The following NUDT3 variants were observed in gnomAD, a reference collection of about 807,000 sequenced individuals.
The protein encoded by NUDT3 is diphosphoinositol polyphosphate phosphohydrolase 1.
In NUDT3, 9 loss-of-function variants were observed where a neutral mutation model predicts 23.6. That is an observed-to-expected ratio of 0.38 (90% CI 0.23 to 0.66). The LOEUF (loss-of-function observed/expected upper bound fraction) is 0.66. Ranked by LOEUF, NUDT3 falls within the 30% of genes least tolerant of loss-of-function variation. The probability of loss-of-function intolerance (pLI) is 0.52; values close to 1 mark genes in which losing one functional copy is unlikely to be tolerated. For synonymous variants in NUDT3, 86 were observed against 82.6 expected, an observed-to-expected ratio of 1.04 and a Z score of -0.22; for missense variants, 172 against 218.5, an observed-to-expected ratio of 0.79 and a Z score of 1.34.
Position 34,283,219 on chromosome 6 carries a change from T to C in NUDT3, c.*5534A>G, listed in dbSNP as rs912561368. 1 of 150,288 alleles carries C rather than the reference T, an allele frequency of 6.7e-6. No individual in the cohort carries two copies. Among genetic ancestry groups the C allele is most frequent in the African/African-American group, 2.5e-5 (1 of 40,614 alleles). The allele number at this position is 150,288 out of a possible 1,614,324, so 9.3% of individuals were successfully genotyped here. A position where few individuals can be genotyped will look rare whatever the true frequency, so the allele number is the denominator to read the frequency against. ...TCCCTTTTCTTTTTTTTTTTTTTTT[T>C]TTTGAGACGGAGTCTTGCTCTGTCG... is the stretch of plus-strand genomic sequence containing the variant. On this transcript the variant is annotated 3_prime_UTR_variant, in exon 5 of 5. Transcript: ENST00000607016.
intron 2 of NUDT3, among the ~76,000 whole-genome samples, chr6:34,309,181 G>A (rs184599199): frequency 2.6e-3 from 399 of 151,908 alleles, no homozygotes; most frequent in Non-Finnish European, 4.7e-3. Flanking sequence ...AGGAGTTCGG[G>A]ACCAGCCTGG....
intron 1 of NUDT3, 103 bp downstream of exon 1, chr6:34,392,161 G>T: frequency 1.3e-6 from 1 of 783,342 alleles, no homozygotes; most frequent in Non-Finnish European, 2.0e-6. Context: ...CGCCCGAGCG[G>T]GGCGGCCCTG....
At chr6:34,297,760 A>ATATATATATATATTTTTT (rs1763535832) in intron 2 of NUDT3, among the ~76,000 whole-genome samples, 27 of 53,592 alleles carry the variant, frequency 5.0e-4, no homozygotes, top group South Asian at 6.7e-4. Flanking sequence ...TATATATATA[A>ATATATATATATATTTTTT]TTTTTTTTTT....
chr6:34,355,705 G>T (rs1478326742), intron 1 of NUDT3, among the ~76,000 whole-genome samples: 2 of 95,058 alleles, frequency 2.1e-5, no homozygotes, highest in African/African-American at 8.5e-5. Flanking sequence ...GGTGGGGGGT[G>T]GGGGGAGGGT....
At chr6:34,298,199 A>G (rs1763544833) in intron 2 of NUDT3, among the ~76,000 whole-genome samples, 1 of 152,012 alleles carries the variant, frequency 6.6e-6, no homozygotes, top group Admixed American at 6.6e-5. Context: ...CCATCTCTAC[A>G]AAATACAAAA....
chr6:34,353,699 C>A (rs902448567), intron 1 of NUDT3, among the ~76,000 whole-genome samples: 7 of 151,698 alleles, frequency 4.6e-5, no homozygotes, highest in Admixed American at 2.6e-4. Flanking sequence ...CCACACCCAG[C>A]CTTGCTTTTG....
At chr6:34,378,795 GA>G (rs1764967301) in intron 1 of NUDT3, among the ~76,000 whole-genome samples, 1 of 152,214 alleles carries the variant, frequency 6.6e-6, no homozygotes, top group South Asian at 2.1e-4. Flanking sequence ...CTCTCTCCAA[GA>G]AGGGCATTCT....
At chr6:34,294,642 C>G (rs1354321803) in intron 3 of NUDT3, among the ~76,000 whole-genome samples, 3 of 151,756 alleles carry the variant, frequency 2.0e-5, no homozygotes, top group Middle Eastern at 6.8e-3. Flanking sequence ...AGGAGAATCA[C>G]TTGAACCTGG....
At chr6:34,308,171 A>G in intron 2 of NUDT3, among the ~76,000 whole-genome samples, 1 of 100,524 alleles carries the variant, frequency 9.9e-6, no homozygotes. Flanking sequence ...AAAAAAAAAG[A>G]TAGGCCAGGT....
At chr6:34,325,605 A>G (rs952306327) in intron 2 of NUDT3, among the ~76,000 whole-genome samples, 1 of 152,242 alleles carries the variant, frequency 6.6e-6, no homozygotes, top group Non-Finnish European at 1.5e-5. Flanking sequence ...GCTTCCTCAC[A>G]CAAAAATATA....
At chr6:34,297,633 GT>G (rs1763521510) in intron 2 of NUDT3, among the ~76,000 whole-genome samples, 1 of 146,334 alleles carries the variant, frequency 6.8e-6, no homozygotes, top group Non-Finnish European at 1.5e-5. Context: ...CGTCTCCCAG[GT>G]TCAAGCGATT....
intron 3 of NUDT3, among the ~76,000 whole-genome samples, chr6:34,293,888 C>G (rs974932949): frequency 2.0e-5 from 3 of 152,150 alleles, no homozygotes; most frequent in Admixed American, 2.0e-4. Context: ...ACAGAGGTCT[C>G]AAACTTCAGT....
chr6:34,316,709 T>C (rs1763867131), intron 2 of NUDT3, among the ~76,000 whole-genome samples: 1 of 152,090 alleles, frequency 6.6e-6, no homozygotes, highest in Non-Finnish European at 1.5e-5. Context: ...ACAAGGGCAC[T>C]GAGAGGGAAA....
intron 1 of NUDT3, among the ~76,000 whole-genome samples, chr6:34,373,131 T>C (rs978960659): frequency 1.3e-5 from 2 of 151,354 alleles, no homozygotes; most frequent in Non-Finnish European, 2.9e-5. Flanking sequence ...TACAAAAAAT[T>C]AGCCGGGCAT....
chr6:34,387,992 T>G lies in NUDT3; in HGVS notation c.99+4272A>C, dbSNP rs114824783. On this transcript the variant is annotated intron_variant, in intron 1 of 4. Transcript: ENST00000607016. The stretch of plus-strand genomic sequence containing the variant: ...CAACTTCCAGTCATAATAAGTGTCC[T>G]GGTCAGGTGAACCATTTTTTATTTT... Among the ~76,000 whole-genome samples the G allele has an allele frequency of 1.5e-3, 236 of 152,276 alleles. 1 individual carries two copies. The highest frequency in any genetic ancestry group is 5.3e-3 in the African/African-American group (222 of 41,556).
At position 34,350,650 on chromosome 6, in the gene NUDT3, C is replaced by T. The variant is rs976505294; in HGVS notation, c.100-8678G>A. Among the ~76,000 whole-genome samples the T allele has an allele frequency of 3.3e-5, 5 of 150,672 alleles. 1 individual carries two copies. Among genetic ancestry groups the T allele is most frequent in the Non-Finnish European group, 7.4e-5 (5 of 67,810 alleles). ...AGCACAGAAGTTTCAGTTTCTAGAG[C>T]TTTAAAGCCATTCTACTATTTTTAA... On this transcript the variant is annotated intron_variant, in intron 1 of 4. Coordinates refer to ENST00000607016, the MANE Select transcript of NUDT3 (RefSeq NM_006703.4).
intron 3 of NUDT3, 24 bp downstream of exon 3, chr6:34,295,617 T>C (rs1464651368): frequency 6.2e-7 from 1 of 1,613,196 alleles, no homozygotes; most frequent in Non-Finnish European, 8.5e-7. Flanking sequence ...ATATCATTTG[T>C]ACCAAAGATT....
intron 2 of NUDT3, among the ~76,000 whole-genome samples, chr6:34,327,705 A>G (rs976111390): frequency 6.6e-6 from 1 of 152,194 alleles, no homozygotes; most frequent in Non-Finnish European, 1.5e-5. Flanking sequence ...CTTCCAGATG[A>G]CTGTGGGCAG....
chr6:34,327,401 G>A (rs1160910946), intron 2 of NUDT3, among the ~76,000 whole-genome samples: 5 of 151,826 alleles, frequency 3.3e-5, no homozygotes, highest in South Asian at 2.1e-4. Flanking sequence ...ATGGTAGTGC[G>A]CACCTGTATT....
Sources: allele counts gnomAD v4.1 joint callset (sites outside exome capture counted in the v4.1 genomes callset), GRCh38; gene constraint gnomAD v4.1.1; transcripts MANE v1.5; gene names NCBI Gene and HGNC (gene_info 2026-07-23, HGNC 2026-07-21).